ARHGEF10: variants seen among roughly 807,000 people sequenced by gnomAD.
ARHGEF10 encodes Rho guanine nucleotide exchange factor (GEF) 10.
ARHGEF10 carries 140 observed loss-of-function variants against 147.4 expected under a neutral mutation model. The observed-to-expected ratio is 0.95, with a 90% CI of 0.83 to 1.09. The LOEUF (loss-of-function observed/expected upper bound fraction) is 1.09, where lower values mean the gene tolerates loss of function less well. Ranked by LOEUF, ARHGEF10 falls within the 50% of genes least tolerant of loss-of-function variation. ARHGEF10 has a pLI of 0.00. For missense variants in ARHGEF10, 2,222 were observed against 1,752.7 expected, an observed-to-expected ratio of 1.27 and a Z score of -4.78; for synonymous variants, 902 against 695.8, an observed-to-expected ratio of 1.30 and a Z score of -4.67.
intron 27 of ARHGEF10, among the ~76,000 whole-genome samples, chr8:1,952,415 A>G (rs1237433860): frequency 6.6e-6 from 1 of 152,232 alleles, no homozygotes; most frequent in Non-Finnish European, 1.5e-5. Flanking sequence ...GGCTTGATTC[A>G]TGGCTGAAGC....
At chr8:1,938,071 C>T (rs556712689) in intron 26 of ARHGEF10, among the ~76,000 whole-genome samples, 2 of 152,332 alleles carry the variant, frequency 1.3e-5, no homozygotes, top group Non-Finnish European at 2.9e-5. Flanking sequence ...TCAGGGCCGT[C>T]AGGAGCAGAT....
At chr8:1,877,312 C>G (rs1375811259) in intron 8 of ARHGEF10, among the ~76,000 whole-genome samples, 1 of 152,174 alleles carries the variant, frequency 6.6e-6, no homozygotes. Flanking sequence ...ACTGCAATCT[C>G]TGCCTCCCAG....
At chr8:1,853,441 G>C (rs1343491171) in intron 2 of ARHGEF10, among the ~76,000 whole-genome samples, 2 of 152,350 alleles carry the variant, frequency 1.3e-5, no homozygotes, top group African/African-American at 4.8e-5. Context: ...ACAACACGTT[G>C]TATCTCCTGA....
intron 9 of ARHGEF10, among the ~76,000 whole-genome samples, chr8:1,880,681 G>A (rs1051698811): frequency 7.9e-5 from 12 of 152,152 alleles, no homozygotes; most frequent in Admixed American, 2.0e-4. Context: ...CCCTGAGACC[G>A]GAATGCTTGA....
intron 1 of ARHGEF10, among the ~76,000 whole-genome samples, chr8:1,843,144 CTG>C (rs1420509593): frequency 6.6e-6 from 1 of 152,240 alleles, no homozygotes; most frequent in Non-Finnish European, 1.5e-5. Flanking sequence ...CACTCCAACA[CTG>C]AGAAGTCTCT....
intron 2 of ARHGEF10, among the ~76,000 whole-genome samples, chr8:1,847,264 C>G (rs555087802): frequency 2.0e-5 from 3 of 152,306 alleles, no homozygotes; most frequent in African/African-American, 7.2e-5. Flanking sequence ...CTGGAAAAAA[C>G]AGAACCCCTC....
intron 18 of ARHGEF10, among the ~76,000 whole-genome samples, chr8:1,912,841 T>A (rs1811473250): frequency 6.6e-6 from 1 of 152,134 alleles, no homozygotes; most frequent in South Asian, 2.1e-4. Flanking sequence ...TTTTAAAGGT[T>A]TTGCCAGCCT....
chr8:1,892,881 G>A (rs188331449), intron 11 of ARHGEF10, among the ~76,000 whole-genome samples: 5 of 152,120 alleles, frequency 3.3e-5, no homozygotes, highest in African/African-American at 9.7e-5. Context: ...AATGCCGGGC[G>A]TCCTCATAGG....
chr8:1,855,753 C>T (rs9693412), intron 2 of ARHGEF10, among the ~76,000 whole-genome samples: 101,659 of 151,912 alleles, frequency 0.67, 34,227 homozygotes, highest in Non-Finnish European at 0.7. Flanking sequence ...TTCCGCAGCA[C>T]GTTTATTTGG....
Position 1,923,592 on chromosome 8 carries a change from A to T in ARHGEF10, c.2384A>T (p.Asp795Val). The T allele has an allele frequency of 6.2e-7, 1 of 1,614,150 alleles. No homozygotes were observed. Among genetic ancestry groups the T allele is most frequent in the South Asian group, 1.1e-5 (1 of 91,076 alleles). ...CAGTTACAGCTTCCCGGGAAGCAGG[A>T]CAAGTTAGTAGTAGCTTTAAAACGA... ...RIQLQLPGKQ[D>V]KSGRPTFFTA... Residue 795 changes from aspartate (D) to valine (V), a missense_variant, in exon 20 of 29, where the codon GAC (aspartate) becomes GTC (valine). By Grantham distance (152) the Asp-to-Val change is radical (BLOSUM62 -3). Transcript: ENST00000349830.
chr8:1,846,468 A>C (rs778292954), intron 2 of ARHGEF10, among the ~76,000 whole-genome samples: 18 of 152,046 alleles, frequency 1.2e-4, no homozygotes, highest in Admixed American at 1.3e-4. Context: ...CTGCGACCTC[A>C]TTTCTTCCCT....
rs34604712 is a variant in ARHGEF10 at position 1,879,296 on chromosome 8, C to T, written c.844-752C>T. 2.3e-3 allele frequency among the ~76,000 whole-genome samples: 353 copies of T among 152,250 alleles called. 14 individuals are homozygous for T. The East Asian group carries it at 0.059, about 26-fold the overall frequency. ...CTCAGGTTGGAGACCCTTGAAAATCCGTGCTGCCATCCCCAAAATATGTCA... is the reference window on the plus strand; with the variant it reads ...CTCAGGTTGGAGACCCTTGAAAATCTGTGCTGCCATCCCCAAAATATGTCA... On this transcript the variant is annotated intron_variant, in intron 8 of 28. Coordinates refer to ENST00000349830, the MANE Select transcript of ARHGEF10 (RefSeq NM_014629.4).
intron 14 of ARHGEF10, among the ~76,000 whole-genome samples, chr8:1,897,230 A>G (rs939052666): frequency 2.0e-5 from 3 of 152,232 alleles, no homozygotes; most frequent in African/African-American, 7.2e-5. Flanking sequence ...GCCCACAGCA[A>G]CGTGTCATTG....
At chr8:1,892,671 C>A (rs530420636) in intron 11 of ARHGEF10, among the ~76,000 whole-genome samples, 1 of 132,510 alleles carries the variant, frequency 7.5e-6, no homozygotes, top group Non-Finnish European at 1.6e-5. Flanking sequence ...CGTGCGCGCA[C>A]GTGTGTGTTA....
At chr8:1,858,868 A>ATAGCACCTGCCTCTCTGCTTGCACGGCT in intron 3 of ARHGEF10, 1 of 82,906 alleles carries the variant, frequency 1.2e-5, no homozygotes, top group South Asian at 3.5e-4. Flanking sequence ...CTTGCACGGC[A>ATAGCACCTGCCTCTCTGCTTGCACGGCT]TTTCTTTGGG....
rs780362982 is a variant in ARHGEF10, at chr8:1,952,715, G to C, written c.3408G>C (p.Arg1136=). 2 of 1,612,872 alleles carry C rather than the reference G, an allele frequency of 1.2e-6. No individual in the cohort carries two copies. The highest frequency in any genetic ancestry group is 1.3e-5 in the African/African-American group (1 of 75,046). ...PVHNMLPGHQ[R]LSVTSLLVCH... ...TGTCTTTCCGCCCAGGGCACCAGCGGCTGTCGGTGACGAGCCTGCTCGTCT... is the reference window on the plus strand; with the variant it reads ...TGTCTTTCCGCCCAGGGCACCAGCGCCTGTCGGTGACGAGCCTGCTCGTCT... Residue 1136 remains arginine, a synonymous_variant, in exon 28 of 29, where the codon CGG becomes CGC. Transcript: ENST00000349830.
chr8:1,852,785 G>A (rs1805246328), intron 2 of ARHGEF10, among the ~76,000 whole-genome samples: 1 of 152,234 alleles, frequency 6.6e-6, no homozygotes, highest in South Asian at 2.1e-4. Flanking sequence ...AAGTCAGGTT[G>A]GTAAGAAGTC....
intron 1 of ARHGEF10, among the ~76,000 whole-genome samples, chr8:1,842,028 G>T (rs374444152): frequency 0.039 from 3,598 of 91,420 alleles, 116 homozygotes; most frequent in East Asian, 0.088. Context: ...GGGAACTGGG[G>T]CCGCGGCGGG....
intron 28 of ARHGEF10, 52 bp from the exon 29 acceptor site, chr8:1,956,697 C>G: frequency 6.2e-7 from 1 of 1,611,750 alleles, no homozygotes; most frequent in Non-Finnish European, 8.5e-7. Context: ...GCTTCCTTGT[C>G]TCAAATTTTG....
Sources: gnomAD v4.1 joint callset for allele counts (sites outside exome capture counted in the v4.1 genomes callset) on GRCh38, gnomAD v4.1.1 for gene constraint, MANE v1.5 for transcripts, NCBI Gene and HGNC (gene_info 2026-07-23, HGNC 2026-07-21) for gene names.